The following RNF123 variants were observed in gnomAD, a reference collection of about 807,000 sequenced individuals.
RNF123 encodes E3 ubiquitin-protein ligase RNF123.
RNF123 carries 86 observed loss-of-function variants against 168.5 expected under a neutral mutation model. The observed-to-expected ratio is 0.51, with a 90% CI of 0.43 to 0.61. RNF123 has a LOEUF of 0.61. Among genes scored for constraint, RNF123 ranks in the 20% least tolerant of loss-of-function variants. RNF123 has a pLI of 0.00. For synonymous variants in RNF123, 666 were observed against 689.1 expected (o/e 0.97, Z 0.52); for missense variants, 1,419 against 1,729.7 (o/e 0.82, Z 3.19).
intron 27 of RNF123, chr3:49,713,173 T>C (rs1266440039): frequency 1.7e-6 from 1 of 589,402 alleles, no homozygotes; most frequent in African/African-American, 1.9e-5. Flanking sequence ...GCCTGCCCCC[T>C]GCCCAGCCAC....
chr3:49,717,933 G>A (rs377076534), intron 35 of RNF123: 128 of 1,600,316 alleles, frequency 8.0e-5, no homozygotes, highest in Non-Finnish European at 9.3e-5. Context: ...GGGCCTGGGT[G>A]GGGGAGCCCT....
intron 20 of RNF123, among the ~76,000 whole-genome samples, chr3:49,703,048 G>T (rs1019358437): frequency 6.6e-6 from 1 of 152,182 alleles, no homozygotes; most frequent in Non-Finnish European, 1.5e-5. Context: ...CCTTTATAGG[G>T]CTGCCTTGGG....
In RNF123 at chr3:49,719,095, A is replaced by G. The variant is rs771629251; in HGVS notation, c.3501-1416A>G. On this transcript the variant is annotated intron_variant, in intron 35 of 38. Coordinates refer to ENST00000327697, the MANE Select transcript of RNF123 (RefSeq NM_022064.5). ...CAGCCCGTCGAGGTCGTGGCGGCCA[A>G]GCGCCCGCAACGTGTTAGATGATAG... is the stretch of plus-strand genomic sequence containing the variant. 4.3e-6 allele frequency: 7 copies of G among 1,613,422 alleles called. No individual in the cohort carries two copies. In the African/African-American group the frequency reaches 9.3e-5, roughly 22 times the overall value.
chr3:49,718,986 G>A, intron 35 of RNF123: 1 of 1,613,838 alleles, frequency 6.2e-7, no homozygotes, highest in South Asian at 1.1e-5. Context: ...GGTAGAGATG[G>A]CTGAGCGCGC....
Position 49,720,540 on chromosome 3 carries a change from C to T in RNF123, c.3530C>T (p.Ala1177Val). The change falls in exon 36 of 39, where the codon GCA (alanine) becomes GTA (valine). Residue 1177 changes from alanine (A) to valine (V), a missense_variant. Physicochemically the swap from Ala to Val is moderately conservative, Grantham distance 64. Coordinates refer to ENST00000327697, the MANE Select transcript of RNF123 (RefSeq NM_022064.5). ...EREQATSVLL[A>V]DPCFQLRSIC... ...GAGCAAGCCACATCAGTGCTCCTGG[C>T]AGATCCCTGCTTCCAGCTACGCTCA... 1 of 1,606,656 alleles carries T rather than the reference C, an allele frequency of 6.2e-7. No homozygotes were observed.
chr3:49,698,847 G>A lies in RNF123; in HGVS notation c.638+25G>A, dbSNP rs757318386. 9 of 1,612,512 alleles carry A rather than the reference G, an allele frequency of 5.6e-6. No individual in the cohort carries two copies. The South Asian group carries it at 9.9e-5, about 18-fold the overall frequency. ...TGTGAGTTTCCTATCTCTATGCACA[G>A]GCCTGGCCCCTGGGGCCTCCCCAGA... On this transcript the variant is annotated intron_variant, in intron 9 of 38. Coordinates refer to ENST00000327697, the MANE Select transcript of RNF123 (RefSeq NM_022064.5).
Position 49,716,449 on chromosome 3 carries a change from C to G in RNF123, c.3472C>G (p.Gln1158Glu), listed in dbSNP as rs1486526503. 1 of 1,614,066 alleles carries G rather than the reference C, an allele frequency of 6.2e-7. No homozygotes were observed. Among genetic ancestry groups the G allele is most frequent in the South Asian group, 1.1e-5 (1 of 91,086 alleles). Residue 1158 changes from glutamine to glutamate, a missense_variant, in exon 35 of 39, where the codon CAG (glutamine) becomes GAG (glutamate). This residue lies in a region of RNF123 where 164 missense variants were observed against 152.3 expected (regional missense o/e 1.08). Coordinates refer to ENST00000327697, the MANE Select transcript of RNF123 (RefSeq NM_022064.5). ...ILVAVTGILV[Q>E]LLVRGPASER... ...GGTGGCAGTGACGGGCATCCTGGTG[C>G]AGCTCCTGGTGCGTGGCCCAGCCTC... is the stretch of plus-strand genomic sequence containing the variant.
chr3:49,701,977 G>C, intron 17 of RNF123, 67 bp downstream of exon 17: 1 of 1,548,700 alleles, frequency 6.5e-7, no homozygotes, highest in Non-Finnish European at 8.8e-7. Context: ...GCTTGGAGGT[G>C]CCCATGTCTA....
chr3:49,706,890 T>A lies in RNF123; in HGVS notation c.2488T>A (p.Tyr830Asn), dbSNP rs2054530042. Residue 830 changes from tyrosine (Y) to asparagine (N), a missense_variant, in exon 26 of 39, where the codon TAC becomes AAC. Physicochemically the swap from Tyr to Asn is moderately radical, Grantham distance 143 (BLOSUM62 -2). Coordinates refer to ENST00000327697, the MANE Select transcript of RNF123 (RefSeq NM_022064.5). ...RRLAWVHATV[Y>N]SQEKMLDIYW... ...TCTTGCCTGGGTCCATGCCACTGTCTACTCCCAGGTGTGCTGGTATTGCAG... is the reference window on the plus strand; with the variant it reads ...TCTTGCCTGGGTCCATGCCACTGTCAACTCCCAGGTGTGCTGGTATTGCAG... The A allele has an allele frequency of 6.2e-7, 1 of 1,613,878 alleles. No homozygotes were observed. The highest frequency in any genetic ancestry group is 1.3e-5 in the African/African-American group (1 of 74,942).
At chr3:49,704,298 G>C (rs1485056482) in intron 21 of RNF123, among the ~76,000 whole-genome samples, 1 of 152,182 alleles carries the variant, frequency 6.6e-6, no homozygotes, top group Non-Finnish European at 1.5e-5. Context: ...GTCAGAGAGT[G>C]GGGGAGGCCC....
chr3:49,696,979 T>G, intron 3 of RNF123, 164 bp from the exon 4 acceptor site: 1 of 675,304 alleles, frequency 1.5e-6, no homozygotes, highest in Non-Finnish European at 2.7e-6. Flanking sequence ...TAGTGGAGAA[T>G]TCGGCCTTCT....
chr3:49,715,786 T>A, intron 32 of RNF123, 36 bp from the exon 33 acceptor site: 1 of 1,613,864 alleles, frequency 6.2e-7, no homozygotes. Flanking sequence ...TAGAGCCAGG[T>A]GCTGACCACT....
In RNF123 at chr3:49,713,533, C is replaced by G. The variant is rs768498437; in HGVS notation, c.2695C>G (p.Arg899Gly). Residue 899 changes from arginine (R) to glycine (G), a missense_variant, in exon 28 of 39, where the codon CGC becomes GGC. Transcript: ENST00000327697. ...ELPGYEETLT[R>G]LAAILAKHFA... The stretch of plus-strand genomic sequence containing the variant: ...TGCAGGCTATGAAGAGACCCTGACC[C>G]GCCTGGCTGCCATTCTCGCCAAACA... 1 of 1,611,128 alleles carries G rather than the reference C, an allele frequency of 6.2e-7. No homozygotes were observed. The highest frequency in any genetic ancestry group is 8.5e-7 in the Non-Finnish European group (1 of 1,178,936).
At position 49,718,736 on chromosome 3, in the gene RNF123, C is replaced by A. The variant is rs368214804; in HGVS notation, c.3501-1775C>A. The A allele has an allele frequency of 2.5e-6, 4 of 1,613,040 alleles. No individual in the cohort carries two copies. The highest frequency in any genetic ancestry group is 3.4e-6 in the Non-Finnish European group (4 of 1,179,970). On this transcript the variant is annotated intron_variant, in intron 35 of 38. Coordinates refer to ENST00000327697, the MANE Select transcript of RNF123 (RefSeq NM_022064.5). The stretch of plus-strand genomic sequence containing the variant: ...AAGCATACGTACTCGCGCGCAAAGT[C>A]GCGCACGGCGCTCAGGCCCCGCTGG...
rs2054285511 is a variant in RNF123, at chr3:49,697,206, GGAGGA to G, written c.233_237del (p.Glu78GlyfsTer7). 1 of 1,613,922 alleles carries G rather than the reference GGAGGA, an allele frequency of 6.2e-7. No homozygotes were observed. The highest frequency in any genetic ancestry group is 8.5e-7 in the Non-Finnish European group (1 of 1,179,938). On this transcript the variant is annotated frameshift_variant, in exon 4 of 39. Transcript: ENST00000327697. LOFTEE classifies it high-confidence loss of function. ...ACCAGTTGCTACAGGTGGACAATGA[GGAGGA>G]GGAAAGCCAGGGTATGTGGCCACCT...
rs377691477 is a variant in RNF123 at position 49,704,645 on chromosome 3, C to T, written c.1853-5C>T. The T allele has an allele frequency of 3.1e-4, 498 of 1,607,432 alleles. No homozygotes were observed. Among genetic ancestry groups the T allele is most frequent in the Non-Finnish European group, 4.0e-4 (469 of 1,176,920 alleles). ...GCCTGAGAACCCTCCTGCTCTTCCT[C>T]CCAGATGACCTTGCTTCCAAAGCCA... On this transcript the variant is annotated splice_region_variant and splice_polypyrimidine_tract_variant and intron_variant, in intron 21 of 38. Coordinates refer to ENST00000327697, the MANE Select transcript of RNF123 (RefSeq NM_022064.5).
chr3:49,703,256 AG>A (rs942507388), intron 20 of RNF123, among the ~76,000 whole-genome samples, 170 bp from the exon 21 acceptor site: 7 of 152,076 alleles, frequency 4.6e-5, no homozygotes, highest in African/African-American at 1.4e-4. Flanking sequence ...GAGAAGAGGT[AG>A]GGGAGGTCTG....
chr3:49,703,600 G>T, intron 21 of RNF123, 72 bp downstream of exon 21: 1 of 1,280,214 alleles, frequency 7.8e-7, no homozygotes. Flanking sequence ...CTGCTCTGCT[G>T]TGGATGCTGA....
intron 3 of RNF123, among the ~76,000 whole-genome samples, chr3:49,694,395 C>T (rs2054228239): frequency 6.6e-6 from 1 of 152,186 alleles, no homozygotes; most frequent in South Asian, 2.1e-4. Context: ...TATTTTTCCC[C>T]ATTATCAATT....
Sources: gnomAD v4.1 joint callset for allele counts (sites outside exome capture counted in the v4.1 genomes callset) on GRCh38, gnomAD v4.1.1 for gene constraint, gnomAD v4.1.1 regional missense constraint, MANE v1.5 for transcripts, NCBI Gene and HGNC (gene_info 2026-07-23, HGNC 2026-07-21) for gene names.